Variants in THADA observed in about 807,000 individuals in gnomAD.
The protein encoded by THADA is THADA armadillo repeat containing.
THADA carries 213 observed loss-of-function variants against 219.8 expected under a neutral mutation model. That is an observed-to-expected ratio of 0.97 (90% CI 0.87 to 1.09). THADA has a LOEUF of 1.09. Among genes scored for constraint, THADA ranks in the 50% least tolerant of loss-of-function variants. The pLI is 0.00. For synonymous variants in THADA, 1,018 were observed against 828.9 expected, an observed-to-expected ratio of 1.23 and a Z score of -3.92; for missense variants, 2,956 against 2,311.3, an observed-to-expected ratio of 1.28 and a Z score of -5.72.
At chr2:43,550,819 C>G (rs1270785649) in intron 19 of THADA, among the ~76,000 whole-genome samples, 1 of 152,150 alleles carries the variant, frequency 6.6e-6, no homozygotes, top group Non-Finnish European at 1.5e-5. Context: ...AGTAGAAAAT[C>G]TAAAGCGACA....
chr2:43,280,762 G>A (rs1572893915), intron 35 of THADA, among the ~76,000 whole-genome samples: 1 of 152,358 alleles, frequency 6.6e-6, no homozygotes, highest in South Asian at 2.1e-4. Context: ...CCTGGACACT[G>A]ATCTGTCTAG....
At chr2:43,566,870 G>C (rs1319819664) in intron 14 of THADA, 49 bp from the exon 15 acceptor site, 2 of 1,314,956 alleles carry the variant, frequency 1.5e-6, no homozygotes, top group Admixed American at 6.7e-5. Context: ...GTCACAATAG[G>C]TTATATTCAG....
rs539528883 is a variant in THADA at position 43,296,137 on chromosome 2, T to A, written c.4439-2924A>T. ...GTTTTGCCATGCTGGACAGGCTGGT[T>A]TCGAACTCCTGACCTCGTGATCTGC... On this transcript the variant is annotated intron_variant, in intron 31 of 37. Coordinates refer to ENST00000405975, the MANE Select transcript of THADA (RefSeq NM_022065.5). Among the ~76,000 whole-genome samples, 5 of 151,676 alleles carry A rather than the reference T, an allele frequency of 3.3e-5. No individual in the cohort carries two copies. In the East Asian group the frequency reaches 9.7e-4, roughly 29 times the overall value.
chr2:43,552,418 A>G (rs1696857172), intron 17 of THADA, 79 bp from the exon 18 acceptor site: 2 of 1,421,736 alleles, frequency 1.4e-6, no homozygotes, highest in Admixed American at 2.7e-5. Context: ...AATAGTTCCC[A>G]TTAATATGGC....
intron 26 of THADA, among the ~76,000 whole-genome samples, chr2:43,436,969 T>G (rs112425452): frequency 6.6e-6 from 1 of 152,222 alleles, no homozygotes; most frequent in African/African-American, 2.4e-5. Flanking sequence ...GTAGGTCATA[T>G]AGCTCTCAGA....
At chr2:43,287,122 T>A in intron 34 of THADA, 61 bp from the exon 35 acceptor site, 1 of 1,516,906 alleles carries the variant, frequency 6.6e-7, no homozygotes, top group Non-Finnish European at 9.0e-7. Context: ...TGACACAGAA[T>A]TAGGGGTGAC....
chr2:43,456,627 T>C (rs1177903910), intron 26 of THADA, among the ~76,000 whole-genome samples: 4 of 152,056 alleles, frequency 2.6e-5, no homozygotes, highest in Non-Finnish European at 5.9e-5. Flanking sequence ...GGAATAATAG[T>C]GCCTACTTAG....
intron 36 of THADA, among the ~76,000 whole-genome samples, chr2:43,260,961 T>C (rs868506503): frequency 6.6e-6 from 1 of 152,220 alleles, no homozygotes; most frequent in African/African-American, 2.4e-5. Context: ...AAAGGAAAAG[T>C]ATCCTACTAT....
intron 26 of THADA, among the ~76,000 whole-genome samples, chr2:43,442,243 C>G (rs1371790331): frequency 6.6e-6 from 1 of 152,124 alleles, no homozygotes; most frequent in African/African-American, 2.4e-5. Context: ...TGAGACCACT[C>G]TGGCCAACAT....
intron 4 of THADA, among the ~76,000 whole-genome samples, chr2:43,590,306 G>A (rs1250163023): frequency 6.6e-6 from 1 of 152,158 alleles, no homozygotes; most frequent in African/African-American, 2.4e-5. Flanking sequence ...TAAATGGATT[G>A]AGGCAGGAGT....
At chr2:43,282,136 A>G (rs1673434477) in intron 35 of THADA, among the ~76,000 whole-genome samples, 1 of 152,146 alleles carries the variant, frequency 6.6e-6, no homozygotes, top group Admixed American at 6.5e-5. Context: ...CACACATTTT[A>G]CCTGTTATAA....
At chr2:43,484,111 A>C (rs1009091437) in intron 26 of THADA, among the ~76,000 whole-genome samples, 1 of 152,114 alleles carries the variant, frequency 6.6e-6, no homozygotes, top group African/African-American at 2.4e-5. Flanking sequence ...AAAATTAAAA[A>C]GCTCTCTGGT....
chr2:43,388,073 A>G (rs993521491), intron 29 of THADA, among the ~76,000 whole-genome samples: 1 of 152,222 alleles, frequency 6.6e-6, no homozygotes, highest in African/African-American at 2.4e-5. Flanking sequence ...GAGCTATAGC[A>G]CAAGTACATA....
At chr2:43,485,984 T>G (rs1329997522) in intron 25 of THADA, among the ~76,000 whole-genome samples, 2 of 152,086 alleles carry the variant, frequency 1.3e-5, no homozygotes, top group Non-Finnish European at 2.9e-5. Context: ...GTCAGAAGGC[T>G]CAGGCAGGAG....
chr2:43,293,410 A>G (rs1674980148), intron 31 of THADA, among the ~76,000 whole-genome samples, 197 bp from the exon 32 acceptor site: 1 of 152,180 alleles, frequency 6.6e-6, no homozygotes, highest in Non-Finnish European at 1.5e-5. Flanking sequence ...TAGGTAATGT[A>G]TAATTTTTCC....
intron 31 of THADA, among the ~76,000 whole-genome samples, chr2:43,302,669 A>G (rs1200874498): frequency 6.6e-6 from 1 of 152,124 alleles, no homozygotes; most frequent in Non-Finnish European, 1.5e-5. Context: ...ACTATCTATT[A>G]TCACTTCATG....
At chr2:43,573,652 G>T (rs1241451811) in intron 11 of THADA, among the ~76,000 whole-genome samples, 1 of 152,172 alleles carries the variant, frequency 6.6e-6, no homozygotes, top group Non-Finnish European at 1.5e-5. Flanking sequence ...GTTACTCTTT[G>T]AAGTACTGAA....
At position 43,291,454 on chromosome 2, in the gene THADA, C is replaced by CAAAAAAAAAAAA. The variant is rs765352765; in HGVS notation, c.5010+230_5010+241dup. 8.9e-3 allele frequency among the ~76,000 whole-genome samples: 72 copies of CAAAAAAAAAAAA among 8,080 alleles called. 10 individuals carry two copies. Among genetic ancestry groups the CAAAAAAAAAAAA allele is most frequent in the African/African-American group, 0.02 (43 of 2,198 alleles). 5.3% of individuals were successfully genotyped at this position (8,080 alleles called of 152,430 possible). On this transcript the variant is annotated intron_variant, in intron 34 of 37. Coordinates refer to ENST00000405975, the MANE Select transcript of THADA (RefSeq NM_022065.5). ...GGGCAACAAGAGCAAAACTCCATCTCAAAAAAAAAAAAAAAAAAAAAAAAA... is the reference window on the plus strand; with the variant it reads ...GGGCAACAAGAGCAAAACTCCATCTCAAAAAAAAAAAAAAAAAAAAAAAAAAAAAAAAAAAAA...
intron 30 of THADA, among the ~76,000 whole-genome samples, chr2:43,329,271 A>T (rs1679691866): frequency 6.6e-6 from 1 of 152,230 alleles, no homozygotes; most frequent in African/African-American, 2.4e-5. Flanking sequence ...ATATAGCTTC[A>T]AATCTTATAT....
Sources: gnomAD v4.1 joint callset for allele counts (sites outside exome capture counted in the v4.1 genomes callset) on GRCh38, gnomAD v4.1.1 for gene constraint, MANE v1.5 for transcripts, NCBI Gene and HGNC (gene_info 2026-07-23, HGNC 2026-07-21) for gene names.